The following MGAT4C variants were observed in gnomAD, a reference collection of about 807,000 sequenced individuals.
MGAT4C encodes the protein MGAT4 family member C.
MGAT4C carries 19 observed loss-of-function variants against 40.1 expected under a neutral mutation model. The ratio of observed to expected loss-of-function variants is 0.47; its 90% CI spans 0.33 to 0.70. The LOEUF (loss-of-function observed/expected upper bound fraction) is 0.70. Ranked by LOEUF, MGAT4C falls within the 30% of genes least tolerant of loss-of-function variation. The probability of loss-of-function intolerance (pLI) is 0.02; values close to 1 mark genes in which losing one functional copy is unlikely to be tolerated. For missense variants in MGAT4C, 491 were observed against 563.2 expected, an observed-to-expected ratio of 0.87 and a Z score of 1.30; for synonymous variants, 181 against 187.1, an observed-to-expected ratio of 0.97 and a Z score of 0.27.
chr12:86,796,792 C>T (rs1321093176), intron 1 of MGAT4C, among the ~76,000 whole-genome samples: 1 of 151,802 alleles, frequency 6.6e-6, no homozygotes, highest in Non-Finnish European at 1.5e-5. Context: ...TAAGTGTTCT[C>T]ACCACAAAAA....
intron 2 of MGAT4C, among the ~76,000 whole-genome samples, chr12:86,659,867 T>A (rs1963938374): frequency 6.6e-6 from 1 of 150,562 alleles, no homozygotes; most frequent in South Asian, 2.1e-4. Flanking sequence ...TACAAAACCA[T>A]CCAAGAAGGT....
At chr12:86,268,891 G>GT (rs146652106) in intron 4 of MGAT4C, among the ~76,000 whole-genome samples, 3,224 of 138,566 alleles carry the variant, frequency 0.023, 116 homozygotes, top group African/African-American at 0.08. Flanking sequence ...AAGAAAGGGT[G>GT]TTTTTTTTTT....
rs147314808 is a variant in MGAT4C at position 86,389,742 on chromosome 12, G to A, written c.-120+45415C>T. Reference sequence around the variant, plus strand: ...ATCAAATTATTATGTTTTACAGTATGTTATATCTAATGCTGAAGGTTCTTT... The same window carrying A: ...ATCAAATTATTATGTTTTACAGTATATTATATCTAATGCTGAAGGTTCTTT... On this transcript the variant is annotated intron_variant, in intron 3 of 7. Transcript: ENST00000548651. Among the ~76,000 whole-genome samples the A allele has an allele frequency of 1.2e-4, 18 of 152,158 alleles. No individual in the cohort carries two copies. In the East Asian group the frequency reaches 3.5e-3, roughly 29 times the overall value.
chr12:86,177,997 C>T (rs147796907), intron 1 of MGAT4C, among the ~76,000 whole-genome samples: 7,304 of 152,082 alleles, frequency 0.048, 571 homozygotes, highest in African/African-American at 0.17. Context: ...AGTGCAGTGG[C>T]GCGATATTGG....
At chr12:86,220,475 A>G (rs1950836426) in intron 1 of MGAT4C, among the ~76,000 whole-genome samples, 1 of 152,212 alleles carries the variant, frequency 6.6e-6, no homozygotes, top group African/African-American at 2.4e-5. Context: ...AAGAAAGATA[A>G]TTCAGTGGTT....
intron 3 of MGAT4C, among the ~76,000 whole-genome samples, chr12:86,395,363 G>C (rs542698676): frequency 1.2e-4 from 19 of 152,108 alleles, no homozygotes; most frequent in African/African-American, 4.3e-4. Flanking sequence ...TACCATATTA[G>C]AGCATTCACA....
intron 2 of MGAT4C, among the ~76,000 whole-genome samples, chr12:86,042,858 ACT>A (rs1396937695): frequency 5.4e-5 from 6 of 111,982 alleles, no homozygotes; most frequent in Non-Finnish European, 1.1e-4. Context: ...ACAGAGCAAG[ACT>A]CTGTCTCAAA....
chr12:86,175,063 A>G (rs1053606355), intron 1 of MGAT4C, among the ~76,000 whole-genome samples: 1 of 152,288 alleles, frequency 6.6e-6, no homozygotes, highest in Admixed American at 6.5e-5. Context: ...TCTGCTGATA[A>G]ATAGAATTGC....
intron 2 of MGAT4C, among the ~76,000 whole-genome samples, chr12:86,708,786 C>A (rs538603029): frequency 7.9e-5 from 12 of 152,172 alleles, no homozygotes; most frequent in Non-Finnish European, 1.8e-4. Flanking sequence ...GGGCCTGAAA[C>A]CTCTTTGTTT....
intron 1 of MGAT4C, among the ~76,000 whole-genome samples, chr12:86,771,365 T>C (rs1951632041): frequency 6.6e-6 from 1 of 152,222 alleles, no homozygotes; most frequent in Admixed American, 6.5e-5. Context: ...AAAGTGGCTT[T>C]GGAATTGGGT....
At chr12:86,438,407 A>C (rs958715907) in intron 2 of MGAT4C, among the ~76,000 whole-genome samples, 14 of 151,946 alleles carry the variant, frequency 9.2e-5, no homozygotes, top group African/African-American at 2.4e-4. Flanking sequence ...TTAAAAGTGC[A>C]AAGTGAAACA....
At chr12:86,361,471 C>T (rs1420898135) in intron 3 of MGAT4C, among the ~76,000 whole-genome samples, 2 of 152,110 alleles carry the variant, frequency 1.3e-5, no homozygotes, top group Non-Finnish European at 2.9e-5. Flanking sequence ...GCAACAAAAG[C>T]CAAAATTGAC....
At chr12:86,635,584 A>C (rs1963192544) in intron 2 of MGAT4C, among the ~76,000 whole-genome samples, 1 of 151,974 alleles carries the variant, frequency 6.6e-6, no homozygotes, top group Non-Finnish European at 1.5e-5. Context: ...TTCAGTAAAA[A>C]ATGGACCAGA....
chr12:86,208,659 T>A (rs530625099), intron 1 of MGAT4C, among the ~76,000 whole-genome samples: 58 of 150,784 alleles, frequency 3.8e-4, no homozygotes, highest in Middle Eastern at 7.3e-3. Flanking sequence ...TAGAGTTTTT[T>A]ATTTTTTTTT....
intron 2 of MGAT4C, among the ~76,000 whole-genome samples, chr12:86,535,901 T>C (rs988412496): frequency 6.6e-6 from 1 of 152,254 alleles, no homozygotes; most frequent in Non-Finnish European, 1.5e-5. Flanking sequence ...AAAACATACA[T>C]AAAATTATTG....
intron 1 of MGAT4C, among the ~76,000 whole-genome samples, chr12:86,118,274 A>G (rs4240767): frequency 0.019 from 2,934 of 152,262 alleles, 42 homozygotes; most frequent in Middle Eastern, 0.037. Context: ...GAAGTTTGCA[A>G]TGACTTGTCC....
chr12:86,587,329 A>T (rs1167827354), intron 2 of MGAT4C, among the ~76,000 whole-genome samples: 2 of 152,138 alleles, frequency 1.3e-5, no homozygotes, highest in Admixed American at 1.3e-4. Context: ...TTTTAGTACC[A>T]GTACCATGCT....
chr12:86,819,196 T>G (rs1755058341), intron 1 of MGAT4C, among the ~76,000 whole-genome samples: 1 of 151,106 alleles, frequency 6.6e-6, no homozygotes, highest in South Asian at 2.1e-4. Flanking sequence ...ATATCTCAGT[T>G]TCTTAAGTAT....
rs60328579 is a variant in MGAT4C at position 86,269,013 on chromosome 12, CATATATATATATATATAT to C, written c.-57+65034_-57+65051del. On this transcript the variant is annotated intron_variant, in intron 4 of 7. Transcript: ENST00000548651. Reference sequence around the variant, plus strand: ...TTTTGTATATATTCTTTCATACTTACATATATATATATATATATATATATATATATATATATATATATA... The same window carrying C: ...TTTTGTATATATTCTTTCATACTTACATATATATATATATATATATATATA... Among the ~76,000 whole-genome samples, 177 of 74,692 alleles carry C rather than the reference CATATATATATATATATAT, an allele frequency of 2.4e-3. 5 individuals are homozygous for C. Among genetic ancestry groups the C allele is most frequent in the African/African-American group, 5.2e-3 (96 of 18,628 alleles). The allele number at this position is 74,692 out of a possible 152,430, so 49.0% of individuals were successfully genotyped here.
Sources: gnomAD v4.1 joint callset for allele counts (sites outside exome capture counted in the v4.1 genomes callset) on GRCh38, gnomAD v4.1.1 for gene constraint, MANE v1.5 for transcripts, NCBI Gene and HGNC (gene_info 2026-07-23, HGNC 2026-07-21) for gene names.